Variants in STRADA observed in about 807,000 individuals in gnomAD.
STRADA encodes the protein STE20-related kinase adapter protein alpha.
Under a neutral mutation model 55.0 loss-of-function variants are expected in STRADA, and 26 were observed. The observed-to-expected ratio is 0.47, with a 90% confidence interval of 0.35 to 0.66. STRADA has a LOEUF of 0.66. Ranked by LOEUF, STRADA falls within the 30% of genes least tolerant of loss-of-function variation. The probability of loss-of-function intolerance (pLI) is 0.01; values close to 1 mark genes in which losing one functional copy is unlikely to be tolerated. For missense variants in STRADA, 443 were observed against 549.7 expected (o/e 0.81, Z 1.94); for synonymous variants, 197 against 210.9 (o/e 0.93, Z 0.57).
At position 63,732,023 on chromosome 17, in the gene STRADA, C is replaced by T. The variant is rs563091844; in HGVS notation, c.-44-3610G>A. ...GGGACTACAGGCGCCCGCCACCACA[C>T]CCGGCTAATTTTTTTTTTGTATTTT... On this transcript the variant is annotated intron_variant, in intron 1 of 12. Transcript: ENST00000336174. 1.1e-4 allele frequency among the ~76,000 whole-genome samples: 16 copies of T among 152,112 alleles called. No homozygotes were observed. In the South Asian group the frequency reaches 3.1e-3, roughly 30 times the overall value.
intron 4 of STRADA, 157 bp from the exon 5 acceptor site, chr17:63,714,265 T>A: frequency 1.6e-6 from 1 of 637,582 alleles, no homozygotes; most frequent in Non-Finnish European, 2.9e-6. Flanking sequence ...AACAAAACAC[T>A]ACATTCAGGG....
At chr17:63,732,027 G>A (rs2038097885) in intron 1 of STRADA, among the ~76,000 whole-genome samples, 1 of 151,802 alleles carries the variant, frequency 6.6e-6, no homozygotes, top group African/African-American at 2.4e-5. Flanking sequence ...ACCACACCCG[G>A]CTAATTTTTT....
chr17:63,728,678 C>T lies in STRADA; in HGVS notation c.-44-265G>A, dbSNP rs561174315. Among the ~76,000 whole-genome samples, 6 of 147,666 alleles carry T rather than the reference C, an allele frequency of 4.1e-5. No homozygotes were observed. The South Asian group carries it at 1.3e-3, about 32-fold the overall frequency. On this transcript the variant is annotated intron_variant, in intron 1 of 12. Coordinates refer to ENST00000336174, the MANE Select transcript of STRADA (RefSeq NM_001003787.4). The stretch of plus-strand genomic sequence containing the variant: ...CTTTGGGAGGCCGAGGCGGGCGGAT[C>T]ACCTGAGGTCAGGAGTTCGAGACCA...
At position 63,704,225 on chromosome 17, in the gene STRADA, T is replaced by C; in HGVS notation, c.1100+116A>G. ...CACCCAGGAGCTGATCCCTCCTGTG[T>C]GTAGCTCCAGATTCCCCTGCAGAAC... is the stretch of plus-strand genomic sequence containing the variant. On this transcript the variant is annotated intron_variant, in intron 11 of 12. Coordinates refer to ENST00000336174, the MANE Select transcript of STRADA (RefSeq NM_001003787.4). The C allele has an allele frequency of 2.6e-6, 4 of 1,543,378 alleles. No homozygotes were observed. In the South Asian group the frequency reaches 4.8e-5, roughly 19 times the overall value.
At chr17:63,739,201 A>AG (rs1464398276) in intron 1 of STRADA, among the ~76,000 whole-genome samples, 7 of 150,686 alleles carry the variant, frequency 4.6e-5, no homozygotes, top group Non-Finnish European at 7.4e-5. Context: ...GATAGAGATG[A>AG]GACTGGTATT....
chr17:63,728,238 G>C (rs747348403), intron 2 of STRADA, 96 bp downstream of exon 2: 5 of 1,166,084 alleles, frequency 4.3e-6, no homozygotes, highest in Admixed American at 1.9e-5. Flanking sequence ...GTATCATTCC[G>C]ACCCTCACGT....
At chr17:63,740,508 A>G (rs2038863784) in intron 1 of STRADA, among the ~76,000 whole-genome samples, 1 of 152,048 alleles carries the variant, frequency 6.6e-6, no homozygotes, top group Non-Finnish European at 1.5e-5. Flanking sequence ...GCGAAACTCC[A>G]TCTCAAAAAA....
intron 10 of STRADA, 34 bp from the exon 11 acceptor site, chr17:63,704,616 CG>C (rs2035949767): frequency 2.4e-5 from 15 of 626,338 alleles, no homozygotes; most frequent in South Asian, 1.1e-4. Flanking sequence ...TGGGCTGTAG[CG>C]GGTGGGGGGG....
Position 63,703,988 on chromosome 17 carries a change from C to T in STRADA, c.1143+17G>A, listed in dbSNP as rs370724913. The T allele has an allele frequency of 9.1e-5, 147 of 1,613,676 alleles. No individual in the cohort carries two copies. Among genetic ancestry groups the T allele is most frequent in the Non-Finnish European group, 1.2e-4 (141 of 1,179,906 alleles). On this transcript the variant is annotated intron_variant, in intron 12 of 12. Coordinates refer to ENST00000336174, the MANE Select transcript of STRADA (RefSeq NM_001003787.4). ...ACCAGAACTAGAACCAGAACCAGAA[C>T]GAAGGGGCTACGATACCTGCTTGAA...
At chr17:63,731,789 G>T (rs556302702) in intron 1 of STRADA, among the ~76,000 whole-genome samples, 1 of 152,254 alleles carries the variant, frequency 6.6e-6, no homozygotes, top group African/African-American at 2.4e-5. Context: ...GAGGCAGATA[G>T]ATGTTTTTAT....
chr17:63,723,751 G>GT (rs1484613968), intron 3 of STRADA: 1 of 156,032 alleles, frequency 6.4e-6, no homozygotes, highest in African/African-American at 2.4e-5. Context: ...TAGAAAACAT[G>GT]TTTTTTCAAA....
At chr17:63,732,079 A>G (rs1490088107) in intron 1 of STRADA, among the ~76,000 whole-genome samples, 1 of 152,064 alleles carries the variant, frequency 6.6e-6, no homozygotes, top group Non-Finnish European at 1.5e-5. Context: ...CATGTTAGCC[A>G]GGATGGTCTC....
intron 1 of STRADA, among the ~76,000 whole-genome samples, chr17:63,740,671 G>C (rs1270987451): frequency 1.3e-5 from 2 of 152,122 alleles, no homozygotes; most frequent in Non-Finnish European, 2.9e-5. Flanking sequence ...TGTGCAGGGA[G>C]GTTAAATGCC....
Position 63,704,050 on chromosome 17 carries a change from G to A in STRADA, c.1101-3C>T. 3 of 1,613,580 alleles carry A rather than the reference G, an allele frequency of 1.9e-6. No homozygotes were observed. The highest frequency in any genetic ancestry group is 2.5e-6 in the Non-Finnish European group (3 of 1,179,748). ...TCAGGAGGGTGCTGGCACTGGGCCT[G>A]GAGGGAAAGGGGAGGAGAGACCGCA... On this transcript the variant is annotated splice_polypyrimidine_tract_variant and splice_region_variant and intron_variant, in intron 11 of 12. Transcript: ENST00000336174.
intron 6 of STRADA, among the ~76,000 whole-genome samples, chr17:63,713,000 C>CAAA (rs5821401): frequency 1.1e-4 from 14 of 125,498 alleles, no homozygotes; most frequent in East Asian, 2.3e-4. Context: ...GAATCCGTCT[C>CAAA]AAAAAAAAAA....
rs764140707 is a variant in STRADA, at chr17:63,713,927, A to G, written c.226+79T>C. ...AACTAGTGGATGGCCTCTGCTGTAC[A>G]CACATCTGGGGCTGCTGAGAAAGCT... On this transcript the variant is annotated intron_variant, in intron 5 of 12. Transcript: ENST00000336174. The G allele has an allele frequency of 9.4e-6, 11 of 1,168,474 alleles. 1 individual carries two copies. Among genetic ancestry groups the G allele is most frequent in the Non-Finnish European group, 1.4e-5 (11 of 778,950 alleles). 72.4% of individuals were successfully genotyped at this position (1,168,474 alleles called of 1,614,324 possible).
chr17:63,740,153 C>CATATATATAT (rs1463725651), intron 1 of STRADA, among the ~76,000 whole-genome samples: 11,683 of 85,690 alleles, frequency 0.14, 2,282 homozygotes, highest in South Asian at 0.34. Context: ...TATATACACA[C>CATATATATAT]ACACACACAC....
chr17:63,712,847 A>G (rs2036591192), intron 6 of STRADA, among the ~76,000 whole-genome samples: 1 of 151,914 alleles, frequency 6.6e-6, no homozygotes. Context: ...CTAAAAATAC[A>G]AAAGTTAGCC....
At chr17:63,715,698 C>A (rs545556038) in intron 4 of STRADA, 1 of 152,176 alleles carries the variant, frequency 6.6e-6, no homozygotes, top group South Asian at 2.1e-4. Flanking sequence ...CACCACTTAC[C>A]CTGGCAATAA....
Sources: gnomAD v4.1 joint callset for allele counts (sites outside exome capture counted in the v4.1 genomes callset) on GRCh38, gnomAD v4.1.1 for gene constraint, MANE v1.5 for transcripts, NCBI Gene and HGNC (gene_info 2026-07-23, HGNC 2026-07-21) for gene names.